The following GALNT11 variants were observed in gnomAD, a reference collection of about 807,000 sequenced individuals.
GALNT11 encodes the protein polypeptide N-acetylgalactosaminyltransferase 11.
GALNT11 carries 47 observed loss-of-function variants against 72.7 expected under a neutral mutation model. The ratio of observed to expected loss-of-function variants is 0.65; its 90% CI spans 0.51 to 0.82. The LOEUF (loss-of-function observed/expected upper bound fraction) is 0.82. Ranked by LOEUF, GALNT11 falls within the 40% of genes least tolerant of loss-of-function variation. The pLI is 0.00. For synonymous variants in GALNT11, 270 were observed against 286.6 expected (o/e 0.94, Z 0.58); for missense variants, 677 against 778.4 (o/e 0.87, Z 1.55).
chr7:152,032,975 C>G lies in GALNT11; in HGVS notation c.-39+7091C>G, dbSNP rs892780219. Among the ~76,000 whole-genome samples, 3 of 152,208 alleles carry G rather than the reference C, an allele frequency of 2.0e-5. No individual in the cohort carries two copies. The South Asian group carries it at 6.2e-4, about 32-fold the overall frequency. The stretch of plus-strand genomic sequence containing the variant: ...GGTAATGGACCTTGAGGACAGTCGT[C>G]CGGGACAGGAGATTAACACTGAGAA... On this transcript the variant is annotated intron_variant, in intron 1 of 11. Transcript: ENST00000430044.
rs773377045 is a variant in GALNT11, at chr7:152,117,139, T to C, written c.1234-18T>C. The C allele has an allele frequency of 1.3e-5, 21 of 1,570,018 alleles. No homozygotes were observed. The highest frequency in any genetic ancestry group is 1.7e-5 in the Non-Finnish European group (20 of 1,163,566). On this transcript the variant is annotated intron_variant, in intron 8 of 11. Transcript: ENST00000430044. ...ACAAAAAATTCGATTTTCTTATTTT[T>C]ACTTTTTTTAAATTCAGGAGCAGTA...
At chr7:152,035,131 G>A (rs780890524) in intron 1 of GALNT11, among the ~76,000 whole-genome samples, 5 of 152,160 alleles carry the variant, frequency 3.3e-5, no homozygotes, top group Non-Finnish European at 5.9e-5. Flanking sequence ...CCGTATCCTA[G>A]CTTCTGGAAT....
At chr7:152,115,923 G>C (rs1335570493) in intron 8 of GALNT11, among the ~76,000 whole-genome samples, 1 of 152,148 alleles carries the variant, frequency 6.6e-6, no homozygotes, top group African/African-American at 2.4e-5. Flanking sequence ...GGGTGTGGTG[G>C]CGCATGCCTG....
At chr7:152,040,794 T>C (rs1347919178) in intron 1 of GALNT11, among the ~76,000 whole-genome samples, 1 of 152,234 alleles carries the variant, frequency 6.6e-6, no homozygotes, top group Non-Finnish European at 1.5e-5. Flanking sequence ...CTTTTTGAGC[T>C]GAACCATAGG....
intron 1 of GALNT11, among the ~76,000 whole-genome samples, chr7:152,079,921 T>C (rs1472981320): frequency 6.6e-6 from 1 of 152,218 alleles, no homozygotes; most frequent in Non-Finnish European, 1.5e-5. Flanking sequence ...AAGAGTATCT[T>C]ACAAGAAAAT....
chr7:152,082,208 G>A (rs765658802), intron 1 of GALNT11, among the ~76,000 whole-genome samples: 2 of 152,086 alleles, frequency 1.3e-5, no homozygotes, highest in Admixed American at 6.6e-5. Flanking sequence ...CTTGTTCCTC[G>A]GTGCTGTAAA....
chr7:152,113,439 C>T (rs371632458), intron 8 of GALNT11, 41 bp downstream of exon 8: 26 of 1,602,610 alleles, frequency 1.6e-5, no homozygotes, highest in African/African-American at 9.4e-5. Flanking sequence ...AATGATAGGC[C>T]GGCAGTGACT....
chr7:152,113,763 G>T, intron 8 of GALNT11, among the ~76,000 whole-genome samples: 3 of 86,414 alleles, frequency 3.5e-5, no homozygotes, highest in African/African-American at 8.7e-5. Context: ...TTGAGACAGG[G>T]TCTTGCTTTG....
At chr7:152,072,009 CAAAA>C (rs11366450) in intron 1 of GALNT11, among the ~76,000 whole-genome samples, 1 of 67,012 alleles carries the variant, frequency 1.5e-5, no homozygotes. Context: ...AACTCTGTCT[CAAAA>C]AAAAAAAAAA....
At chr7:152,096,586 G>A (rs1263449457) in intron 2 of GALNT11, among the ~76,000 whole-genome samples, 1 of 151,866 alleles carries the variant, frequency 6.6e-6, no homozygotes. Context: ...GTGGTGGCAG[G>A]TGCCTGTAAT....
At chr7:152,088,257 A>G (rs1252881628) in intron 1 of GALNT11, among the ~76,000 whole-genome samples, 1 of 152,178 alleles carries the variant, frequency 6.6e-6, no homozygotes, top group Non-Finnish European at 1.5e-5. Context: ...ATTGTTTAGT[A>G]TCATGTTTGC....
intron 1 of GALNT11, among the ~76,000 whole-genome samples, chr7:152,032,502 C>T (rs192483328): frequency 4.0e-4 from 61 of 151,158 alleles, no homozygotes; most frequent in Admixed American, 3.4e-3. Context: ...CTCCACTGAC[C>T]GTTCGGTTTT....
intron 1 of GALNT11, among the ~76,000 whole-genome samples, chr7:152,079,017 C>G (rs1195039103): frequency 1.3e-5 from 2 of 152,208 alleles, no homozygotes; most frequent in Admixed American, 6.5e-5. Flanking sequence ...AAGAATGACT[C>G]TCACGGATGA....
At chr7:152,081,364 T>G in intron 1 of GALNT11, among the ~76,000 whole-genome samples, 1 of 152,196 alleles carries the variant, frequency 6.6e-6, no homozygotes, top group Non-Finnish European at 1.5e-5. Flanking sequence ...CCCGGTATTG[T>G]GCTGTTGAGA....
chr7:152,101,667 T>C (rs927739657), intron 3 of GALNT11, among the ~76,000 whole-genome samples: 10 of 150,218 alleles, frequency 6.7e-5, no homozygotes, highest in Non-Finnish European at 3.0e-5. Flanking sequence ...GGAGTCTTTC[T>C]CTGTTGCCCA....
chr7:152,057,905 C>T (rs1246519147), intron 1 of GALNT11, among the ~76,000 whole-genome samples: 1 of 152,178 alleles, frequency 6.6e-6, no homozygotes, highest in Non-Finnish European at 1.5e-5. Flanking sequence ...CAGGATACCA[C>T]ACTGTATTTG....
chr7:152,097,755 T>TCA (rs1466335453), intron 2 of GALNT11, among the ~76,000 whole-genome samples: 7 of 152,080 alleles, frequency 4.6e-5, no homozygotes, highest in African/African-American at 1.7e-4. Flanking sequence ...ACACAAAAGG[T>TCA]CACATGTTGT....
At chr7:152,042,575 C>A (rs2082918573) in intron 1 of GALNT11, among the ~76,000 whole-genome samples, 2 of 152,254 alleles carry the variant, frequency 1.3e-5, no homozygotes, top group Admixed American at 6.5e-5. Flanking sequence ...AAAATGATAT[C>A]CTAAACCTTG....
At chr7:152,108,972 C>A (rs2087880853) in intron 6 of GALNT11, among the ~76,000 whole-genome samples, 1 of 152,176 alleles carries the variant, frequency 6.6e-6, no homozygotes, top group Non-Finnish European at 1.5e-5. Flanking sequence ...TTATTCCTCC[C>A]CCAATTTATT....
Sources: allele counts gnomAD v4.1 joint callset (sites outside exome capture counted in the v4.1 genomes callset), GRCh38; gene constraint gnomAD v4.1.1; transcripts MANE v1.5; gene names NCBI Gene and HGNC (gene_info 2026-07-23, HGNC 2026-07-21).